ZNF518B: variants seen among roughly 807,000 people sequenced by gnomAD.
ZNF518B encodes zinc finger protein 518B.
ZNF518B carries 23 observed loss-of-function variants against 56.3 expected under a neutral mutation model. That is an observed-to-expected ratio of 0.41 (90% CI 0.29 to 0.58). The LOEUF is 0.58. Ranked by LOEUF, ZNF518B falls within the 20% of genes least tolerant of loss-of-function variation. The probability of loss-of-function intolerance (pLI) is 0.32; values close to 1 mark genes in which losing one functional copy is unlikely to be tolerated. For missense variants in ZNF518B, 1,460 were observed against 1,272.1 expected (o/e 1.15, Z -2.25); for synonymous variants, 529 against 465.9 (o/e 1.14, Z -1.74).
chr4:10,453,546 G>GTCTA (rs1469543018), intron 2 of ZNF518B: 6 of 145,278 alleles, frequency 4.1e-5, no homozygotes, highest in Non-Finnish European at 9.2e-5. Context: ...AGTGCTTGAT[G>GTCTA]TCTAAAACTT....
Position 10,444,333 on chromosome 4 carries a change from G to C in ZNF518B, c.1996C>G (p.Arg666Gly). ...TCAATTAACTGAGCTATCTTTCTGC[G>C]CAACAGTTCAATTGACTTTATTTTA... Reference protein sequence around the residue: ...TSKIKSIELLRRKIAQLIESC... With the variant: ...TSKIKSIELLGRKIAQLIESC... The change falls in exon 3 of 3, where the codon CGC becomes GGC. Residue 666 changes from arginine to glycine, a missense_variant. Physicochemically the swap from Arg to Gly is moderately radical, Grantham distance 125. Coordinates refer to ENST00000326756, the MANE Select transcript of ZNF518B (RefSeq NM_053042.3). The C allele has an allele frequency of 1.2e-6, 2 of 1,614,130 alleles. No homozygotes were observed. The highest frequency in any genetic ancestry group is 1.1e-5 in the South Asian group (1 of 91,072).
At chr4:10,458,354 G>C (rs4075869), upstream of ZNF518B, among the ~76,000 whole-genome samples, 10,712 of 152,216 alleles carry the variant, frequency 0.07, 424 homozygotes, top group Non-Finnish European at 0.097. Context: ...CGGGGGCGGG[G>C]CAAGGCTGGT....
chr4:10,445,411 A>C lies in ZNF518B; in HGVS notation c.918T>G (p.Phe306Leu). Residue 306 changes from phenylalanine to leucine, a missense_variant, in exon 3 of 3, where the codon TTT (phenylalanine) becomes TTG (leucine). Transcript: ENST00000326756. ...CTTCTACTTCAACATTTTTGTTCTC[A>C]AATAGGTTGACTTCATTTGGCTCAG... The part of the protein sequence containing the change: ...TLSEPNEVNL[F>L]ENKNVEVEVL... 1 of 1,614,200 alleles carries C rather than the reference A, an allele frequency of 6.2e-7. No individual in the cohort carries two copies. The highest frequency in any genetic ancestry group is 8.5e-7 in the Non-Finnish European group (1 of 1,180,016).
chr4:10,442,469 AAGG>A lies in ZNF518B; in HGVS notation c.*632_*634del, dbSNP rs1445565234. On this transcript the variant is annotated 3_prime_UTR_variant, in exon 3 of 3. Transcript: ENST00000326756. ...ATCTTTCTTCTAACACTTGCTGTGA[AAGG>A]AGTAAATTCAGGCAAGCAGTTGAAA... 4.6e-5 allele frequency: 7 copies of A among 152,378 alleles called. No individual in the cohort carries two copies. Among genetic ancestry groups the A allele is most frequent in the Admixed American group, 4.6e-4 (7 of 15,312 alleles). 9.4% of individuals were successfully genotyped at this position (152,378 alleles called of 1,614,324 possible). A position where few individuals can be genotyped will look rare whatever the true frequency, so the allele number is the denominator to read the frequency against.
chr4:10,447,647 C>CTT (rs10675116), intron 2 of ZNF518B, among the ~76,000 whole-genome samples: 21,673 of 121,254 alleles, frequency 0.18, 2,647 homozygotes, highest in African/African-American at 0.3. Context: ...ACAGAGTGAC[C>CTT]TTTTTTTTTT....
intron 2 of ZNF518B, among the ~76,000 whole-genome samples, chr4:10,449,966 G>A (rs1329266759): frequency 1.3e-5 from 2 of 152,110 alleles, no homozygotes; most frequent in African/African-American, 2.4e-5. Flanking sequence ...AGTTGGGGGC[G>A]GGAAGGTATC....
rs781083551 is a variant in ZNF518B at position 10,446,210 on chromosome 4, GCTT to G, written c.116_118del (p.Glu39del). The G allele has an allele frequency of 3.1e-6, 5 of 1,614,080 alleles. No homozygotes were observed. In the South Asian group the frequency reaches 5.5e-5, roughly 18 times the overall value. On this transcript the variant is annotated inframe_deletion, in exon 3 of 3. Transcript: ENST00000326756. ...TGAGCCTTGATACAAAAGGGTTTGT[GCTT>G]CTTGTCTATTTGGCCGAGGTGCTCC...
Position 10,445,621 on chromosome 4 carries a change from T to A in ZNF518B, c.708A>T (p.Ser236=). ...CTTTTAGAAGCTCTGGGTTTTGTTTTGAAGTTCCGGTTCTTTTTGGCTCCA... is the reference window on the plus strand; with the variant it reads ...CTTTTAGAAGCTCTGGGTTTTGTTTAGAAGTTCCGGTTCTTTTTGGCTCCA... ...AKLEPKRTGT[S]KQNPELLKAS... is the part of the protein sequence containing the mutation. Residue 236 remains serine, a synonymous_variant, in exon 3 of 3, where the codon TCA becomes TCT. Transcript: ENST00000326756. The A allele has an allele frequency of 6.2e-7, 1 of 1,614,186 alleles. No individual in the cohort carries two copies. Among genetic ancestry groups the A allele is most frequent in the South Asian group, 1.1e-5 (1 of 91,084 alleles).
chr4:10,444,773 T>G lies in ZNF518B; in HGVS notation c.1556A>C (p.Asn519Thr). The change falls in exon 3 of 3, where the codon AAT (asparagine) becomes ACT (threonine). Residue 519 changes from asparagine to threonine, a missense_variant. Coordinates refer to ENST00000326756, the MANE Select transcript of ZNF518B (RefSeq NM_053042.3). ...AAVCFAESGR[N>T]LHSSSQQLLP... ...TAACTGCTGTGAGCTACTGTGTAAA[T>G]TTCTTCCACTTTCAGCAAAACAAAC... 6.2e-7 allele frequency: 1 copy of G among 1,613,784 alleles called. No individual in the cohort carries two copies. Among genetic ancestry groups the G allele is most frequent in the Non-Finnish European group, 8.5e-7 (1 of 1,179,804 alleles).
intron 1 of ZNF518B, among the ~76,000 whole-genome samples, chr4:10,456,517 A>G (rs1461198444): frequency 2.0e-5 from 3 of 152,108 alleles, no homozygotes; most frequent in East Asian, 1.9e-4. Context: ...GCCCCCCGTA[A>G]AAGATGCGCA....
rs1453147035 is a variant in ZNF518B, at chr4:10,440,326, C to T, written c.*2778G>A. ...AACTTTTACTGTATTTGCCTATATC[C>T]TAAATATAACAATCTCTCACTTCTG... On this transcript the variant is annotated 3_prime_UTR_variant, in exon 3 of 3. Coordinates refer to ENST00000326756, the MANE Select transcript of ZNF518B (RefSeq NM_053042.3). 1 of 151,780 alleles carries T rather than the reference C, an allele frequency of 6.6e-6. No homozygotes were observed. The highest frequency in any genetic ancestry group is 1.5e-5 in the Non-Finnish European group (1 of 67,934). The allele number at this position is 151,780 out of a possible 1,614,324, so 9.4% of individuals were successfully genotyped here.
At position 10,440,720 on chromosome 4, in the gene ZNF518B, T is replaced by C. The variant is rs755650223; in HGVS notation, c.*2384A>G. 1.4e-5 allele frequency: 2 copies of C among 147,960 alleles called. No homozygotes were observed. Among genetic ancestry groups the C allele is most frequent in the South Asian group, 2.1e-4 (1 of 4,730 alleles). The allele number at this position is 147,960 out of a possible 1,614,324, so 9.2% of individuals were successfully genotyped here. On this transcript the variant is annotated 3_prime_UTR_variant, in exon 3 of 3. Transcript: ENST00000326756. Reference sequence around the variant, plus strand: ...AGTATGCAAGTTGTGTTTTTACTTATGCTTGAAAGTTGATGCTGCGAAGTG... The same window carrying C: ...AGTATGCAAGTTGTGTTTTTACTTACGCTTGAAAGTTGATGCTGCGAAGTG...
At chr4:10,450,160 T>G (rs1342077409) in intron 2 of ZNF518B, among the ~76,000 whole-genome samples, 1 of 152,176 alleles carries the variant, frequency 6.6e-6, no homozygotes, top group East Asian at 1.9e-4. Flanking sequence ...AGCAGTTATT[T>G]TGAATTAAGA....
chr4:10,444,521 GTTATGT>G lies in ZNF518B; in HGVS notation c.1802_1807del (p.Asn601_Ile602del), dbSNP rs1389626948. 6.2e-6 allele frequency: 10 copies of G among 1,613,966 alleles called. No individual in the cohort carries two copies. Among genetic ancestry groups the G allele is most frequent in the Admixed American group, 3.3e-5 (2 of 59,994 alleles). On this transcript the variant is annotated inframe_deletion, in exon 3 of 3. Transcript: ENST00000326756. The stretch of plus-strand genomic sequence containing the variant: ...AGGCTGTTGAGATCTATCTTCTCCA[GTTATGT>G]TTATATGTAAATACTCACTCTTATG...
chr4:10,449,983 T>C (rs1210187223), intron 2 of ZNF518B, among the ~76,000 whole-genome samples: 2 of 152,188 alleles, frequency 1.3e-5, no homozygotes, highest in African/African-American at 4.8e-5. Context: ...TATCATTTAT[T>C]CTAAAACTAA....
chr4:10,450,465 G>C (rs1402373773), intron 2 of ZNF518B, among the ~76,000 whole-genome samples: 1 of 152,184 alleles, frequency 6.6e-6, no homozygotes, highest in Non-Finnish European at 1.5e-5. Context: ...AATACTCCAA[G>C]ACAAGGTAAA....
intron 2 of ZNF518B, 100 bp from the exon 3 acceptor site, chr4:10,446,639 T>C (rs1018429406): frequency 1.1e-4 from 29 of 256,182 alleles, no homozygotes; most frequent in African/African-American, 5.3e-4. Flanking sequence ...CATTTTATGG[T>C]AAATCTCAAC....
chr4:10,445,824 A>C lies in ZNF518B; in HGVS notation c.505T>G (p.Tyr169Asp). The C allele has an allele frequency of 6.2e-7, 1 of 1,614,262 alleles. No individual in the cohort carries two copies. The highest frequency in any genetic ancestry group is 8.5e-7 in the Non-Finnish European group (1 of 1,180,050). Residue 169 changes from tyrosine to aspartate, a missense_variant, in exon 3 of 3, where the codon TAC becomes GAC. Physicochemically the swap from Tyr to Asp is radical, Grantham distance 160. Coordinates refer to ENST00000326756, the MANE Select transcript of ZNF518B (RefSeq NM_053042.3). ...EIKFICSHCS[Y>D]ISYTKGEFQR... Reference sequence around the variant, plus strand: ...AACTCTCCTTTCGTATACGAAATGTAGCTGCAGTGAGAACAAATGAATTTA... The same window carrying C: ...AACTCTCCTTTCGTATACGAAATGTCGCTGCAGTGAGAACAAATGAATTTA...
chr4:10,445,058 G>A lies in ZNF518B; in HGVS notation c.1271C>T (p.Ser424Leu), dbSNP rs1714926029. 1 of 1,614,152 alleles carries A rather than the reference G, an allele frequency of 6.2e-7. No individual in the cohort carries two copies. The highest frequency in any genetic ancestry group is 8.5e-7 in the Non-Finnish European group (1 of 1,180,036). The change falls in exon 3 of 3, where the codon TCA (serine) becomes TTA (leucine). Residue 424 changes from serine to leucine, a missense_variant. Transcript: ENST00000326756. ...KLVGIDSFQP[S>L]VQKQLKNVKW... ...CACATTTTTAAGCTGTTTCTGAACT[G>A]AAGGTTGAAAACTATCAATGCCTAC...
Sources: gnomAD v4.1 joint callset for allele counts (sites outside exome capture counted in the v4.1 genomes callset) on GRCh38, gnomAD v4.1.1 for gene constraint, MANE v1.5 for transcripts, NCBI Gene and HGNC (gene_info 2026-07-23, HGNC 2026-07-21) for gene names.